The following PCDHA12 variants were observed in gnomAD, a reference collection of about 807,000 sequenced individuals.
PCDHA12 encodes the protein protocadherin alpha-12.
In PCDHA12, 44 loss-of-function variants were observed where a neutral mutation model predicts 60.0. The ratio of observed to expected loss-of-function variants is 0.73; its 90% confidence interval spans 0.58 to 0.94. The LOEUF (loss-of-function observed/expected upper bound fraction) is 0.94. PCDHA12 is among the 40% of genes least tolerant of loss of function. The pLI is 0.00. For synonymous variants in PCDHA12, 569 were observed against 553.0 expected, an observed-to-expected ratio of 1.03 and a Z score of -0.40; for missense variants, 1,276 against 1,239.7, an observed-to-expected ratio of 1.03 and a Z score of -0.44.
At chr5:140,975,053 A>C (rs2096651589) in intron 1 of PCDHA12, among the ~76,000 whole-genome samples, 1 of 152,144 alleles carries the variant, frequency 6.6e-6, no homozygotes, top group Admixed American at 6.5e-5. Flanking sequence ...GGAAGAATCT[A>C]CTATCGAGCT....
rs574855184 is a variant in PCDHA12 at position 140,890,340 on chromosome 5, G to C, written c.2367+12501G>C. ...TTTAAGATATTAGGTAGTTGGGATG[G>C]TTTACTATATAGCAATGGATAACCT... On this transcript the variant is annotated intron_variant, in intron 1 of 3. Coordinates refer to ENST00000398631, the MANE Select transcript of PCDHA12 (RefSeq NM_018903.4). 9.1e-4 allele frequency among the ~76,000 whole-genome samples: 139 copies of C among 152,222 alleles called. 2 individuals are homozygous for C. The Middle Eastern group carries it at 0.017, about 19-fold the overall frequency.
chr5:140,901,917 T>C (rs776284320), intron 1 of PCDHA12, among the ~76,000 whole-genome samples: 15 of 152,090 alleles, frequency 9.9e-5, no homozygotes, highest in Admixed American at 4.6e-4. Context: ...ATCTTTCACT[T>C]CTTTGGTTAA....
intron 3 of PCDHA12, among the ~76,000 whole-genome samples, chr5:141,001,563 C>A (rs531745574): frequency 6.6e-6 from 1 of 152,296 alleles, no homozygotes; most frequent in South Asian, 2.1e-4. Context: ...GACCACGATT[C>A]TCCTGTGTTT....
chr5:140,883,594 G>C (rs1562791129), intron 1 of PCDHA12: 5 of 1,614,032 alleles, frequency 3.1e-6, no homozygotes, highest in South Asian at 1.1e-5. Context: ...CCAGCGTGTC[G>C]GTGGGGGTGG....
intron 1 of PCDHA12, among the ~76,000 whole-genome samples, chr5:140,915,458 G>A (rs1172885235): frequency 6.6e-6 from 1 of 152,126 alleles, no homozygotes; most frequent in Non-Finnish European, 1.5e-5. Context: ...TTTCCAGAAG[G>A]TTTTTATTTG....
intron 1 of PCDHA12, among the ~76,000 whole-genome samples, chr5:140,946,661 G>C (rs2094005923): frequency 7.6e-6 from 1 of 132,422 alleles, no homozygotes; most frequent in Non-Finnish European, 1.6e-5. Flanking sequence ...CCATTAGAAA[G>C]AATGAAATCC....
intron 1 of PCDHA12, among the ~76,000 whole-genome samples, chr5:140,940,983 C>T (rs572659107): frequency 6.6e-6 from 1 of 152,176 alleles, no homozygotes; most frequent in Non-Finnish European, 1.5e-5. Context: ...TATCTAGTTA[C>T]AAGTTTATAG....
At chr5:140,940,199 A>G (rs1253658459) in intron 1 of PCDHA12, among the ~76,000 whole-genome samples, 2 of 152,136 alleles carry the variant, frequency 1.3e-5, no homozygotes, top group Non-Finnish European at 2.9e-5. Flanking sequence ...CATGGGTGTA[A>G]AATTCAAGAT....
chr5:140,976,545 T>C (rs781810490), intron 1 of PCDHA12, among the ~76,000 whole-genome samples: 1 of 152,078 alleles, frequency 6.6e-6, no homozygotes, highest in Non-Finnish European at 1.5e-5. Flanking sequence ...AGTAAGACCC[T>C]ATCTCATAAA....
intron 1 of PCDHA12, among the ~76,000 whole-genome samples, chr5:140,888,214 G>T (rs2061741689): frequency 6.6e-6 from 1 of 152,130 alleles, no homozygotes; most frequent in African/African-American, 2.4e-5. Context: ...TGGATTTTGT[G>T]TGTGTGTGCA....
intron 1 of PCDHA12, among the ~76,000 whole-genome samples, chr5:140,905,832 G>A (rs1292036271): frequency 1.3e-5 from 2 of 152,150 alleles, no homozygotes; most frequent in Non-Finnish European, 2.9e-5. Context: ...TGTATATAAA[G>A]GGGAGTTTAT....
intron 3 of PCDHA12, among the ~76,000 whole-genome samples, chr5:140,995,545 T>C (rs998594175): frequency 1.3e-5 from 2 of 152,206 alleles, no homozygotes; most frequent in Non-Finnish European, 2.9e-5. Flanking sequence ...TAAGGGGCGA[T>C]CACTGTACTG....
Position 140,927,948 on chromosome 5 carries a change from C to T in PCDHA12, c.2367+50109C>T, listed in dbSNP as rs1012110026. The T allele has an allele frequency of 4.3e-6, 7 of 1,614,072 alleles. No homozygotes were observed. In the African/African-American group the frequency reaches 5.3e-5, roughly 12 times the overall value. On this transcript the variant is annotated intron_variant, in intron 1 of 3. Transcript: ENST00000398631. The stretch of plus-strand genomic sequence containing the variant: ...CTCTTTCGAACCCAGTACCTGAGGA[C>T]GCTGCCCCTGGCACAGTGATTGCTC...
At chr5:140,966,989 G>C (rs879989091) in intron 1 of PCDHA12, 7 of 1,604,030 alleles carry the variant, frequency 4.4e-6, no homozygotes, top group Non-Finnish European at 5.1e-6. Context: ...CTTGGGGCCG[G>C]GTTGCTTGCG....
At chr5:140,966,654 T>C in intron 1 of PCDHA12, 1 of 1,185,100 alleles carries the variant, frequency 8.4e-7, no homozygotes, top group Non-Finnish European at 1.1e-6. Flanking sequence ...GCGTGAGCGG[T>C]GGGGGAGCAG....
At chr5:140,962,126 C>A (rs1429316991) in intron 1 of PCDHA12, among the ~76,000 whole-genome samples, 1 of 152,094 alleles carries the variant, frequency 6.6e-6, no homozygotes. Flanking sequence ...ACCTTGGCCT[C>A]GGCCTCCCAA....
chr5:140,923,275 CA>C (rs1328074482), intron 1 of PCDHA12, among the ~76,000 whole-genome samples: 2 of 152,128 alleles, frequency 1.3e-5, no homozygotes, highest in Admixed American at 1.3e-4. Context: ...CTTGTCTCTA[CA>C]AAAAATTAAA....
chr5:140,924,701 C>A (rs2081959929), intron 1 of PCDHA12, among the ~76,000 whole-genome samples: 1 of 152,008 alleles, frequency 6.6e-6, no homozygotes, highest in African/African-American at 2.4e-5. Flanking sequence ...TCGAGACCAG[C>A]TTGTGCAACA....
intron 1 of PCDHA12, among the ~76,000 whole-genome samples, chr5:140,879,706 A>T (rs2058090742): frequency 6.6e-6 from 1 of 152,246 alleles, no homozygotes; most frequent in African/African-American, 2.4e-5. Context: ...ATTATTTCTC[A>T]GTATTGGAGA....
Sources: allele counts gnomAD v4.1 joint callset (sites outside exome capture counted in the v4.1 genomes callset), GRCh38; gene constraint gnomAD v4.1.1; transcripts MANE v1.5; gene names NCBI Gene and HGNC (gene_info 2026-07-23, HGNC 2026-07-21).